CADM4: variants seen among roughly 807,000 people sequenced by gnomAD.
The protein encoded by CADM4 is TSLC1-like 2.
In CADM4, 13 loss-of-function variants were observed where a neutral mutation model predicts 43.9. That is an observed-to-expected ratio of 0.30 (90% CI 0.19 to 0.47). The LOEUF (loss-of-function observed/expected upper bound fraction) is 0.47. CADM4 is among the 20% of genes least tolerant of loss of function. The probability of loss-of-function intolerance (pLI) is 1.00; values close to 1 mark genes in which losing one functional copy is unlikely to be tolerated. For synonymous variants in CADM4, 209 were observed against 220.9 expected (o/e 0.95, Z 0.48); for missense variants, 420 against 527.0 (o/e 0.80, Z 1.99).
chr19:43,625,199 C>T lies in CADM4; in HGVS notation c.807G>A (p.Ala269=). 1 of 1,614,262 alleles carries T rather than the reference C, an allele frequency of 6.2e-7. No individual in the cohort carries two copies. The highest frequency in any genetic ancestry group is 8.5e-7 in the Non-Finnish European group (1 of 1,180,050). Residue 269 remains alanine (A), a synonymous_variant, in exon 7 of 9, where the codon GCG becomes GCA. Coordinates refer to ENST00000222374, the MANE Select transcript of CADM4 (RefSeq NM_145296.2). The surrounding 1 kb of genome is among the most constrained non-coding windows in gnomAD (Gnocchi z 4.5). ...NRGNESLPER[A]EAVGETLTLP... is the part of the protein sequence containing the mutation. Reference sequence around the variant, plus strand: ...GCGTGAGCGTCTCTCCCACGGCCTCCGCCCTCTCCGGCAAAGACTCATTCC... The same window carrying T: ...GCGTGAGCGTCTCTCCCACGGCCTCTGCCCTCTCCGGCAAAGACTCATTCC...
At chr19:43,632,460 C>A (rs1242990020) in intron 1 of CADM4, among the ~76,000 whole-genome samples, 2 of 152,142 alleles carry the variant, frequency 1.3e-5, no homozygotes, top group Non-Finnish European at 2.9e-5. Flanking sequence ...GCTTAAAACC[C>A]TCCGAGGGCT....
Position 43,626,344 on chromosome 19 carries a change from C to T in CADM4, c.500-56G>A, listed in dbSNP as rs981813662. The T allele has an allele frequency of 1.5e-4, 231 of 1,584,612 alleles. No individual in the cohort carries two copies. The highest frequency in any genetic ancestry group is 2.0e-4 in the Non-Finnish European group (228 of 1,166,630). On this transcript the variant is annotated intron_variant, in intron 4 of 8. Transcript: ENST00000222374. This position sits in a 1 kb window ranked among gnomAD's most constrained non-coding sequence, Gnocchi z 5.9. ...CACAATTCCGGCTCCATCCACCCAC[C>T]CACCCGAGCCAACGCCAAAGCAGGC... is the stretch of plus-strand genomic sequence containing the variant.
chr19:43,625,038 G>A lies in CADM4; in HGVS notation c.928+40C>T, dbSNP rs1233214656. 8 of 1,269,552 alleles carry A rather than the reference G, an allele frequency of 6.3e-6. No homozygotes were observed. The highest frequency in any genetic ancestry group is 7.1e-5 in the Admixed American group (2 of 28,234). The allele number at this position is 1,269,552 out of a possible 1,614,324, so 78.6% of individuals were successfully genotyped here. A position where few individuals can be genotyped will look rare whatever the true frequency, so the allele number is the denominator to read the frequency against. On this transcript the variant is annotated intron_variant, in intron 7 of 8. Coordinates refer to ENST00000222374, the MANE Select transcript of CADM4 (RefSeq NM_145296.2). This position sits in a 1 kb window ranked among gnomAD's most constrained non-coding sequence, Gnocchi z 4.5. Reference sequence around the variant, plus strand: ...TCAAGCCCCGCCCCCGCCACCTGGCGCCCCGCCCCCGCCCTCAGTCGGCCG... The same window carrying A: ...TCAAGCCCCGCCCCCGCCACCTGGCACCCCGCCCCCGCCCTCAGTCGGCCG...
Position 43,625,038 on chromosome 19 carries a change from GCCCCGC to G in CADM4, c.928+34_928+39del. On this transcript the variant is annotated intron_variant, in intron 7 of 8. Transcript: ENST00000222374. The surrounding 1 kb of genome is among the most constrained non-coding windows in gnomAD (Gnocchi z 4.5). ...TCAAGCCCCGCCCCCGCCACCTGGC[GCCCCGC>G]CCCCGCCCTCAGTCGGCCGCAGCCT... 3 of 1,269,516 alleles carry G rather than the reference GCCCCGC, an allele frequency of 2.4e-6. No homozygotes were observed. The highest frequency in any genetic ancestry group is 3.1e-6 in the Non-Finnish European group (3 of 979,996). The allele number at this position is 1,269,516 out of a possible 1,614,324, so 78.6% of individuals were successfully genotyped here.
chr19:43,639,418 G>A (rs1002183063), intron 1 of CADM4, among the ~76,000 whole-genome samples: 2 of 151,378 alleles, frequency 1.3e-5, no homozygotes, highest in Non-Finnish European at 3.0e-5. Flanking sequence ...CGCAGAGACT[G>A]GACAGAAGGA....
Position 43,626,399 on chromosome 19 carries a change from G to A in CADM4, c.500-111C>T. 1 of 1,333,830 alleles carries A rather than the reference G, an allele frequency of 7.5e-7. No individual in the cohort carries two copies. The highest frequency in any genetic ancestry group is 1.0e-6 in the Non-Finnish European group (1 of 976,412). The allele number at this position is 1,333,830 out of a possible 1,614,324, so 82.6% of individuals were successfully genotyped here. On this transcript the variant is annotated intron_variant, in intron 4 of 8. Coordinates refer to ENST00000222374, the MANE Select transcript of CADM4 (RefSeq NM_145296.2). This position sits in a 1 kb window ranked among gnomAD's most constrained non-coding sequence, Gnocchi z 5.9. ...TGCCAAGCTCCACCCCTTACCCACA[G>A]GCCCCGCCTCTTGTCCTCCAAGCTA...
In CADM4 at chr19:43,626,746, C is replaced by T; in HGVS notation, c.499+38G>A. On this transcript the variant is annotated intron_variant, in intron 4 of 8. Coordinates refer to ENST00000222374, the MANE Select transcript of CADM4 (RefSeq NM_145296.2). The surrounding 1 kb of genome is among the most constrained non-coding windows in gnomAD (Gnocchi z 5.9). ...ATAAACAACCTCTCCTAAGTCCCACCTCCTCCCCATCCCTTGTCAGCACTC... is the reference window on the plus strand; with the variant it reads ...ATAAACAACCTCTCCTAAGTCCCACTTCCTCCCCATCCCTTGTCAGCACTC... 3.9e-6 allele frequency: 6 copies of T among 1,529,334 alleles called. No homozygotes were observed. The highest frequency in any genetic ancestry group is 5.3e-6 in the Non-Finnish European group (6 of 1,135,468). The allele number at this position is 1,529,334 out of a possible 1,614,324, so 94.7% of individuals were successfully genotyped here.
In CADM4 at chr19:43,625,161, A is replaced by G. The variant is rs760471611; in HGVS notation, c.845T>C (p.Val282Ala). ...AGTGTAGGTGCCGTTATCCGCGGATACCAGACCCGGCAGCGTGAGCGTCTC... is the reference window on the plus strand; with the variant it reads ...AGTGTAGGTGCCGTTATCCGCGGATGCCAGACCCGGCAGCGTGAGCGTCTC... ...VGETLTLPGL[V>A]SADNGTYTCE... is the part of the protein sequence containing the mutation. The change falls in exon 7 of 9, where the codon GTA becomes GCA. Residue 282 changes from valine to alanine, a missense_variant. Coordinates refer to ENST00000222374, the MANE Select transcript of CADM4 (RefSeq NM_145296.2). The surrounding 1 kb of genome is among the most constrained non-coding windows in gnomAD (Gnocchi z 4.5). The G allele has an allele frequency of 4.1e-5, 66 of 1,613,986 alleles. No individual in the cohort carries two copies. Among genetic ancestry groups the G allele is most frequent in the Admixed American group, 1.7e-4 (10 of 59,994 alleles).
rs199575032 is a variant in CADM4, at chr19:43,627,762, G to A, written c.93C>T (p.Asn31=). Residue 31 remains asparagine (N), a synonymous_variant, in exon 2 of 9, where the codon AAC becomes AAT. Coordinates refer to ENST00000222374, the MANE Select transcript of CADM4 (RefSeq NM_145296.2). The surrounding 1 kb of genome is among the most constrained non-coding windows in gnomAD (Gnocchi z 4.0). ...CCACCCCACCCTCAGCCACTGTCACGTTCTCTGTCTGTACTTCCTGTCCTG... is the reference window on the plus strand; with the variant it reads ...CCACCCCACCCTCAGCCACTGTCACATTCTCTGTCTGTACTTCCTGTCCTG... ...PGAGQEVQTE[N]VTVAEGGVAE... 5.8e-5 allele frequency: 93 copies of A among 1,613,898 alleles called. No homozygotes were observed. Among genetic ancestry groups the A allele is most frequent in the Admixed American group, 5.7e-4 (34 of 60,018 alleles).
chr19:43,625,044 C>T lies in CADM4; in HGVS notation c.928+34G>A, dbSNP rs1261414551. ...CCCGCCCCCGCCACCTGGCGCCCCG[C>T]CCCCGCCCTCAGTCGGCCGCAGCCT... On this transcript the variant is annotated intron_variant, in intron 7 of 8. Transcript: ENST00000222374. The surrounding 1 kb of genome is among the most constrained non-coding windows in gnomAD (Gnocchi z 4.5). 14 of 1,437,884 alleles carry T rather than the reference C, an allele frequency of 9.7e-6. No homozygotes were observed. The highest frequency in any genetic ancestry group is 2.7e-5 in the Admixed American group (1 of 37,294). 89.1% of individuals were successfully genotyped at this position (1,437,884 alleles called of 1,614,324 possible).
At position 43,626,251 on chromosome 19, in the gene CADM4, G is replaced by C. The variant is rs762172694; in HGVS notation, c.537C>G (p.Ser179Arg). ...SSSQENGKVW[S>R]VASTVRFRVD... ...CACGAAACCGTACTGTGCTTGCCAC[G>C]CTCCAGACCTTGCCATTTTCCTGGC... The change falls in exon 5 of 9, where the codon AGC becomes AGG. Residue 179 changes from serine (S) to arginine (R), a missense_variant. Physicochemically the swap from Ser to Arg is moderately radical, Grantham distance 110. Coordinates refer to ENST00000222374, the MANE Select transcript of CADM4 (RefSeq NM_145296.2). This position sits in a 1 kb window ranked among gnomAD's most constrained non-coding sequence, Gnocchi z 5.9. 7 of 1,612,710 alleles carry C rather than the reference G, an allele frequency of 4.3e-6. No individual in the cohort carries two copies. Among genetic ancestry groups the C allele is most frequent in the Non-Finnish European group, 5.9e-6 (7 of 1,180,002 alleles).
rs566688498 is a variant in CADM4, at chr19:43,624,210, C to T, written c.961G>A (p.Val321Ile). The T allele has an allele frequency of 2.5e-6, 4 of 1,614,220 alleles. No homozygotes were observed. In the Admixed American group the frequency reaches 6.7e-5, roughly 27 times the overall value. The change falls in exon 8 of 9, where the codon GTT (valine) becomes ATT (isoleucine). Residue 321 changes from valine (V) to isoleucine (I), a missense_variant. By Grantham distance (29) the Val-to-Ile change is conservative. Transcript: ENST00000222374. ...ATGCCGCCCACAATGGCATAGGGAA[C>T]CGACGTCTGAGCCTCTACCACCGCA... is the stretch of plus-strand genomic sequence containing the variant. ...PGAVVEAQTS[V>I]PYAIVGGILA...
intron 1 of CADM4, among the ~76,000 whole-genome samples, chr19:43,634,753 G>A (rs1020756799): frequency 1.3e-5 from 2 of 151,548 alleles, no homozygotes; most frequent in Non-Finnish European, 2.9e-5. Context: ...AAAGAGTGGC[G>A]GAGCAGGTAA....
intron 1 of CADM4, among the ~76,000 whole-genome samples, chr19:43,634,384 G>A (rs1353733730): frequency 6.6e-6 from 1 of 152,144 alleles, no homozygotes; most frequent in Non-Finnish European, 1.5e-5. Context: ...AGGCTTAGCG[G>A]GTCCCAGGCA....
At chr19:43,624,316 T>A in intron 7 of CADM4, 74 bp from the exon 8 acceptor site, 1 of 1,602,926 alleles carries the variant, frequency 6.2e-7, no homozygotes, top group Non-Finnish European at 8.5e-7. Context: ...TGCCAAGCTT[T>A]TAAGCCATTC....
chr19:43,629,643 G>A (rs1226543264), intron 1 of CADM4, among the ~76,000 whole-genome samples: 1 of 152,152 alleles, frequency 6.6e-6, no homozygotes, highest in East Asian at 1.9e-4. Flanking sequence ...TTTTGGGACA[G>A]AGTATTGCTC....
intron 1 of CADM4, among the ~76,000 whole-genome samples, chr19:43,635,383 G>A (rs1973687145): frequency 6.6e-6 from 1 of 151,670 alleles, no homozygotes; most frequent in Non-Finnish European, 1.5e-5. Context: ...TTCTTCCCCA[G>A]CTCAGCCTTG....
At position 43,623,280 on chromosome 19, in the gene CADM4, G is replaced by T. The variant is rs199753007; in HGVS notation, c.*50C>A. On this transcript the variant is annotated 3_prime_UTR_variant, in exon 9 of 9. Transcript: ENST00000222374. This position sits in a 1 kb window ranked among gnomAD's most constrained non-coding sequence, Gnocchi z 4.4. ...TTGCTGGTTCCTTGCAGCTGGCAGT[G>T]GGGGGGACCCCAGCCCAGGCCCAGG... 18 of 1,372,146 alleles carry T rather than the reference G, an allele frequency of 1.3e-5. No homozygotes were observed. The highest frequency in any genetic ancestry group is 9.3e-5 in the South Asian group (8 of 86,326). 85.0% of individuals were successfully genotyped at this position (1,372,146 alleles called of 1,614,324 possible).
chr19:43,632,536 C>T (rs542042035), intron 1 of CADM4, among the ~76,000 whole-genome samples: 1 of 152,248 alleles, frequency 6.6e-6, no homozygotes, highest in Admixed American at 6.5e-5. Context: ...TATGGCCTGG[C>T]CCCTTGCTGA....
Sources: gnomAD v4.1 joint callset for allele counts (sites outside exome capture counted in the v4.1 genomes callset) on GRCh38, gnomAD v4.1.1 for gene constraint, Gnocchi (gnomAD v3.1) non-coding constraint, MANE v1.5 for transcripts, NCBI Gene and HGNC (gene_info 2026-07-23, HGNC 2026-07-21) for gene names.